ARHGAP29: variants seen among roughly 807,000 people sequenced by gnomAD.
ARHGAP29 encodes the protein rho GTPase-activating protein 29.
ARHGAP29 carries 43 observed loss-of-function variants against 122.6 expected under a neutral mutation model. That is an observed-to-expected ratio of 0.35 (90% CI 0.27 to 0.45). The LOEUF is 0.45. ARHGAP29 is among the 20% of genes least tolerant of loss of function. The pLI is 1.00. For missense variants in ARHGAP29, 1,303 were observed against 1,477.2 expected, an observed-to-expected ratio of 0.88 and a Z score of 1.93; for synonymous variants, 506 against 497.1, an observed-to-expected ratio of 1.02 and a Z score of -0.24.
intron 7 of ARHGAP29, 38 bp downstream of exon 7, chr1:94,205,023 A>G: frequency 6.7e-7 from 1 of 1,496,852 alleles, no homozygotes; most frequent in Non-Finnish European, 8.9e-7. Context: ...CAACTTAATT[A>G]TTATACTCTA....
At chr1:94,311,557 T>G in the ARHGAP29 span, among the ~76,000 whole-genome samples, 1 of 152,174 alleles carries the variant, frequency 6.6e-6, no homozygotes, top group Non-Finnish European at 1.5e-5. Flanking sequence ...AAATGGGGTC[T>G]GGAGTTTGGT....
chr1:94,192,589 G>A (rs1453198542), intron 12 of ARHGAP29: 2 of 152,262 alleles, frequency 1.3e-5, no homozygotes. Context: ...AGTAGCAGCT[G>A]AGGAGATGCC....
chr1:94,230,958 TA>T lies in ARHGAP29; in HGVS notation c.205+448del, dbSNP rs201153043. On this transcript the variant is annotated intron_variant, in intron 2 of 22. Transcript: ENST00000260526. ...AAACAGAATTAAGTCTGATTTTTGT[TA>T]AAAAAAAAAAATGCAGTCATTTTAG... is the stretch of plus-strand genomic sequence containing the variant. Among the ~76,000 whole-genome samples the T allele has an allele frequency of 4.3e-3, 619 of 144,808 alleles. 2 individuals carry two copies. The highest frequency in any genetic ancestry group is 0.019 in the East Asian group (98 of 5,058). The allele number at this position is 144,808 out of a possible 152,430, so 95.0% of individuals were successfully genotyped here. A position where few individuals can be genotyped will look rare whatever the true frequency, so the allele number is the denominator to read the frequency against.
At chr1:94,246,202 C>T (rs1653788330) in intron 1 of ARHGAP29, among the ~76,000 whole-genome samples, 1 of 152,304 alleles carries the variant, frequency 6.6e-6, no homozygotes, top group Middle Eastern at 3.4e-3. Context: ...GGGTTGCTTA[C>T]TTACACAGTT....
intron 1 of ARHGAP29, among the ~76,000 whole-genome samples, chr1:94,232,925 T>C (rs1653012764): frequency 6.6e-6 from 1 of 151,308 alleles, no homozygotes; most frequent in Admixed American, 6.6e-5. Context: ...CAGTAGAAAG[T>C]TTTTTGGTTT....
At chr1:94,282,740 TGA>T in the ARHGAP29 span, among the ~76,000 whole-genome samples, 1 of 152,128 alleles carries the variant, frequency 6.6e-6, no homozygotes, top group African/African-American at 2.4e-5. Flanking sequence ...TTCTGGATGA[TGA>T]GAGGGGAAGC....
intron 1 of ARHGAP29, among the ~76,000 whole-genome samples, chr1:94,255,585 C>T (rs1025206660): frequency 5.3e-5 from 8 of 152,170 alleles, no homozygotes; most frequent in African/African-American, 7.2e-5. Context: ...TTGTTAAGTG[C>T]GGCATTTCTT....
chr1:94,270,558 C>G (rs1300717072), intron 1 of ARHGAP29, among the ~76,000 whole-genome samples: 1 of 152,126 alleles, frequency 6.6e-6, no homozygotes, highest in Non-Finnish European at 1.5e-5. Flanking sequence ...CAAACAGCAC[C>G]AGAGGGCCAA....
chr1:94,305,642 G>A, the ARHGAP29 span, among the ~76,000 whole-genome samples: 1 of 152,190 alleles, frequency 6.6e-6, no homozygotes, highest in Non-Finnish European at 1.5e-5. Flanking sequence ...CAAGAACTCG[G>A]CAGTGCCAAT....
intron 1 of ARHGAP29, among the ~76,000 whole-genome samples, chr1:94,250,894 C>T (rs924241810): frequency 4.6e-5 from 7 of 152,122 alleles, no homozygotes; most frequent in Admixed American, 2.6e-4. Flanking sequence ...CATACCATAA[C>T]CCTACCTGAT....
At chr1:94,251,847 A>C (rs1654108817) in intron 1 of ARHGAP29, among the ~76,000 whole-genome samples, 1 of 152,086 alleles carries the variant, frequency 6.6e-6, no homozygotes, top group Non-Finnish European at 1.5e-5. Context: ...ACTCTGCTTT[A>C]ATTTTTGCAC....
At chr1:94,312,408 A>T in the ARHGAP29 span, among the ~76,000 whole-genome samples, 1 of 144,868 alleles carries the variant, frequency 6.9e-6, no homozygotes, top group African/African-American at 2.6e-5. Context: ...ACTTAAGAAG[A>T]ATGAACAGAG....
chr1:94,231,677 G>T (rs1440013069), intron 1 of ARHGAP29, 34 bp from the exon 2 acceptor site: 1 of 1,491,396 alleles, frequency 6.7e-7, no homozygotes, highest in Non-Finnish European at 9.1e-7. Context: ...AAAAACAAGC[G>T]AGGAGAGAGA....
chr1:94,210,301 G>T (rs1401933333), intron 3 of ARHGAP29, among the ~76,000 whole-genome samples: 1 of 152,152 alleles, frequency 6.6e-6, no homozygotes, highest in Admixed American at 6.5e-5. Context: ...AATCTTGGCT[G>T]CACATTAGAA....
At chr1:94,221,545 A>AT (rs1652291472) in intron 2 of ARHGAP29, among the ~76,000 whole-genome samples, 1 of 107,860 alleles carries the variant, frequency 9.3e-6, no homozygotes, top group African/African-American at 3.2e-5. Context: ...ATAAGTATAT[A>AT]TTTTTATACA....
chr1:94,306,953 T>C, the ARHGAP29 span, among the ~76,000 whole-genome samples: 1 of 152,192 alleles, frequency 6.6e-6, no homozygotes, highest in Non-Finnish European at 1.5e-5. Context: ...AAGTTAACAC[T>C]TCCATTATAT....
At chr1:94,207,446 A>C (rs1359340987) in intron 5 of ARHGAP29, among the ~76,000 whole-genome samples, 2 of 152,196 alleles carry the variant, frequency 1.3e-5, no homozygotes, top group African/African-American at 4.8e-5. Context: ...AAAAAGAAAA[A>C]AGTATTTTTT....
chr1:94,264,419 A>G (rs1177022458), intron 1 of ARHGAP29, among the ~76,000 whole-genome samples: 5 of 151,998 alleles, frequency 3.3e-5, no homozygotes, highest in Non-Finnish European at 5.9e-5. Flanking sequence ...CTCCCCTACT[A>G]ATCAGTAGGG....
At chr1:94,311,828 C>T in the ARHGAP29 span, among the ~76,000 whole-genome samples, 3 of 152,240 alleles carry the variant, frequency 2.0e-5, no homozygotes, top group East Asian at 1.9e-4. Flanking sequence ...TCTGTATCCT[C>T]ATATGCTGTC....
Sources: allele counts gnomAD v4.1 joint callset (sites outside exome capture counted in the v4.1 genomes callset), GRCh38; gene constraint gnomAD v4.1.1; transcripts MANE v1.5; gene names NCBI Gene and HGNC (gene_info 2026-07-23, HGNC 2026-07-21).